The following ATP6V1B1 variants were observed in gnomAD, a reference collection of about 807,000 sequenced individuals.
ATP6V1B1 encodes the protein ATPase H+ transporting V1 subunit B1, also known as V-type proton ATPase subunit B, kidney isoform.
Under a neutral mutation model 62.1 loss-of-function variants are expected in ATP6V1B1, and 41 were observed. The ratio of observed to expected loss-of-function variants is 0.66; its 90% CI spans 0.51 to 0.86. The LOEUF (loss-of-function observed/expected upper bound fraction) is 0.86, where lower values mean the gene tolerates loss of function less well. ATP6V1B1 is among the 40% of genes least tolerant of loss of function. The pLI, the probability that ATP6V1B1 is intolerant of heterozygous loss-of-function variation, is 0.00. For missense variants in ATP6V1B1, 651 were observed against 697.5 expected (o/e 0.93, Z 0.75); for synonymous variants, 253 against 273.4 (o/e 0.93, Z 0.74).
chr2:70,937,552 AGT>A (rs1469805810), intron 1 of ATP6V1B1, among the ~76,000 whole-genome samples: 12 of 151,978 alleles, frequency 7.9e-5, no homozygotes, highest in African/African-American at 2.9e-4. Flanking sequence ...AGAAATATGC[AGT>A]GACTGGGCCC....
intron 2 of ATP6V1B1, among the ~76,000 whole-genome samples, chr2:70,945,699 G>GAGAT (rs1450916197): frequency 1.4e-5 from 1 of 70,100 alleles, no homozygotes; most frequent in Non-Finnish European, 2.8e-5. Context: ...GCTATTTGAA[G>GAGAT]AGATATATAT....
chr2:70,959,159 A>C lies in ATP6V1B1; in HGVS notation c.445+64A>C. The stretch of plus-strand genomic sequence containing the variant: ...CCCTAACACCTTCCCCACTCTTGGA[A>C]GTTCTGCCCAGACTCACAAGCAGAT... On this transcript the variant is annotated intron_variant, in intron 5 of 13. Coordinates refer to ENST00000234396, the MANE Select transcript of ATP6V1B1 (RefSeq NM_001692.4). This position sits in a 1 kb window ranked among gnomAD's most constrained non-coding sequence, Gnocchi z 4.2. 6.5e-7 allele frequency: 1 copy of C among 1,547,004 alleles called. No homozygotes were observed. The highest frequency in any genetic ancestry group is 8.9e-7 in the Non-Finnish European group (1 of 1,121,366).
chr2:70,941,032 C>T (rs187502708), intron 1 of ATP6V1B1: 2 of 590,326 alleles, frequency 3.4e-6, no homozygotes, highest in Admixed American at 6.4e-5. Context: ...ATCCTCCCAC[C>T]TCAGCCTCCT....
In ATP6V1B1 at chr2:70,965,323, G is replaced by A. The variant is rs782156725; in HGVS notation, c.*202G>A. 2.8e-6 allele frequency: 2 copies of A among 709,478 alleles called. No homozygotes were observed. The highest frequency in any genetic ancestry group is 1.9e-5 in the South Asian group (1 of 53,238). 43.9% of individuals were successfully genotyped at this position (709,478 alleles called of 1,614,324 possible). A position where few individuals can be genotyped will look rare whatever the true frequency, so the allele number is the denominator to read the frequency against. On this transcript the variant is annotated 3_prime_UTR_variant, in exon 14 of 14. Coordinates refer to ENST00000234396, the MANE Select transcript of ATP6V1B1 (RefSeq NM_001692.4). ...GCTCCATGCCTCCCCCTCGACTCCC[G>A]GTGCTGCGGAAGAACTGAAGGTTGC...
intron 2 of ATP6V1B1, among the ~76,000 whole-genome samples, chr2:70,945,339 A>C (rs1680130424): frequency 6.6e-6 from 1 of 152,194 alleles, no homozygotes; most frequent in Non-Finnish European, 1.5e-5. Context: ...ATTCAGAACT[A>C]GAGGAAACAC....
At chr2:70,944,342 C>A in intron 2 of ATP6V1B1, 1 of 744,236 alleles carries the variant, frequency 1.3e-6, no homozygotes, top group Non-Finnish European at 1.9e-6. Context: ...AATTCTTGAG[C>A]CATAAAGAGC....
At chr2:70,943,472 G>T in intron 1 of ATP6V1B1, 186 bp from the exon 2 acceptor site, 1 of 724,688 alleles carries the variant, frequency 1.4e-6, no homozygotes, top group South Asian at 1.5e-5. Flanking sequence ...AGCAGCAGGG[G>T]CCCTGCGGGC....
Position 70,958,982 on chromosome 2 carries a change from C to G in ATP6V1B1, c.368-36C>G, listed in dbSNP as rs200464609. The G allele has an allele frequency of 1.4e-5, 23 of 1,606,638 alleles. No homozygotes were observed. The African/African-American group carries it at 3.1e-4, about 21-fold the overall frequency. ...ACAGTAGTGAGGGACACAGGGCTAGCCTGAGCACCCTGCAACACTCCTCGT... is the reference window on the plus strand; with the variant it reads ...ACAGTAGTGAGGGACACAGGGCTAGGCTGAGCACCCTGCAACACTCCTCGT... On this transcript the variant is annotated intron_variant, in intron 4 of 13. Transcript: ENST00000234396.
chr2:70,957,694 GA>G, intron 2 of ATP6V1B1: 1 of 356,298 alleles, frequency 2.8e-6, no homozygotes, highest in Non-Finnish European at 5.5e-6. Context: ...GCAGCCGTGG[GA>G]AGTAGGTGTT....
In ATP6V1B1 at chr2:70,950,932, A is replaced by ATTTTTT. The variant is rs55871344; in HGVS notation, c.175-7092_175-7087dup. Among the ~76,000 whole-genome samples the ATTTTTT allele has an allele frequency of 2.5e-3, 163 of 64,624 alleles. 16 individuals carry two copies. Among genetic ancestry groups the ATTTTTT allele is most frequent in the African/African-American group, 9.0e-3 (141 of 15,678 alleles). 42.4% of individuals were successfully genotyped at this position (64,624 alleles called of 152,430 possible). A position where few individuals can be genotyped will look rare whatever the true frequency, so the allele number is the denominator to read the frequency against. Reference sequence around the variant, plus strand: ...ACTGTGTGTGCATAATTTTTTCCTGATTTTTTTTTTTTTTTTTTTTTTTTT... The same window carrying ATTTTTT: ...ACTGTGTGTGCATAATTTTTTCCTGATTTTTTTTTTTTTTTTTTTTTTTTTTTTTTT... On this transcript the variant is annotated intron_variant, in intron 2 of 13. Transcript: ENST00000234396.
intron 2 of ATP6V1B1, among the ~76,000 whole-genome samples, chr2:70,953,218 A>G (rs1553418555): frequency 2.6e-5 from 4 of 152,182 alleles, no homozygotes; most frequent in African/African-American, 4.8e-5. Flanking sequence ...TGCCCACCTC[A>G]GCCTCCTAAA....
intron 2 of ATP6V1B1, among the ~76,000 whole-genome samples, chr2:70,944,913 C>G (rs1680119272): frequency 6.6e-6 from 1 of 152,100 alleles, no homozygotes; most frequent in Non-Finnish European, 1.5e-5. Flanking sequence ...GTGATCCGCC[C>G]GCCTCGGCCT....
At chr2:70,961,237 G>A (rs1389936974) in intron 7 of ATP6V1B1, among the ~76,000 whole-genome samples, 1 of 151,454 alleles carries the variant, frequency 6.6e-6, no homozygotes, top group Non-Finnish European at 1.5e-5. Flanking sequence ...GCCTGAAGGA[G>A]GGGAAGCCAG....
intron 2 of ATP6V1B1, among the ~76,000 whole-genome samples, chr2:70,952,796 A>C (rs1031499301): frequency 6.6e-6 from 1 of 151,996 alleles, no homozygotes; most frequent in Non-Finnish European, 1.5e-5. Flanking sequence ...GGGGCTTTCT[A>C]TTTGGTAGTT....
rs17006571 is a variant in ATP6V1B1 at position 70,957,956 on chromosome 2, A to C, written c.175-90A>C. 5,228 of 1,160,992 alleles carry C rather than the reference A, an allele frequency of 4.5e-3. 189 individuals are homozygous for C. In the African/African-American group the frequency reaches 0.07, roughly 16 times the overall value. 71.9% of individuals were successfully genotyped at this position (1,160,992 alleles called of 1,614,324 possible). ...GTCTGGACACTAGAGGGGAGAGAAC[A>C]GTTTGGGACTGGGTCAGGGAGGGCC... On this transcript the variant is annotated intron_variant, in intron 2 of 13. Transcript: ENST00000234396.
At position 70,958,897 on chromosome 2, in the gene ATP6V1B1, G is replaced by C. The variant is rs190873276; in HGVS notation, c.368-121G>C. ...TGGGTTACCTGTGGGCTGCCGGGGA[G>C]GGGGATACAGGGCACTCCTGTGGGG... is the stretch of plus-strand genomic sequence containing the variant. On this transcript the variant is annotated intron_variant, in intron 4 of 13. Transcript: ENST00000234396. 4.1e-5 allele frequency: 38 copies of C among 930,970 alleles called. No individual in the cohort carries two copies. The East Asian group carries it at 8.7e-4, about 21-fold the overall frequency. 57.7% of individuals were successfully genotyped at this position (930,970 alleles called of 1,614,324 possible).
chr2:70,953,125 C>T (rs1267545701), intron 2 of ATP6V1B1, among the ~76,000 whole-genome samples: 1 of 152,144 alleles, frequency 6.6e-6, no homozygotes, highest in Non-Finnish European at 1.5e-5. Context: ...CACTACCACA[C>T]CTGGCTAATT....
At chr2:70,945,699 G>GATTATATATATAT (rs1450719874) in intron 2 of ATP6V1B1, among the ~76,000 whole-genome samples, 1 of 70,100 alleles carries the variant, frequency 1.4e-5, no homozygotes, top group African/African-American at 5.0e-5. Context: ...GCTATTTGAA[G>GATTATATATATAT]AGATATATAT....
chr2:70,941,668 G>T (rs1680007629), intron 1 of ATP6V1B1: 1 of 941,850 alleles, frequency 1.1e-6, no homozygotes. Flanking sequence ...GCCTAGCTTA[G>T]TACATAGAAG....
Sources: gnomAD v4.1 joint callset for allele counts (sites outside exome capture counted in the v4.1 genomes callset) on GRCh38, gnomAD v4.1.1 for gene constraint, Gnocchi (gnomAD v3.1) non-coding constraint, MANE v1.5 for transcripts, NCBI Gene and HGNC (gene_info 2026-07-23, HGNC 2026-07-21) for gene names.